PAN2: variants seen among roughly 807,000 people sequenced by gnomAD.
The protein encoded by PAN2 is poly(A) specific ribonuclease subunit PAN2.
In PAN2, 68 loss-of-function variants were observed where a neutral mutation model predicts 133.3. The observed-to-expected ratio is 0.51, with a 90% CI of 0.42 to 0.62. The LOEUF is 0.62. PAN2 is among the 20% of genes least tolerant of loss of function. PAN2 has a pLI of 0.00. For missense variants in PAN2, 1,042 were observed against 1,500.5 expected (o/e 0.69, Z 5.05); for synonymous variants, 462 against 544.6 (o/e 0.85, Z 2.11).
intron 2 of PAN2, among the ~76,000 whole-genome samples, chr12:56,331,854 C>CTCGG (rs1875911091): frequency 1.3e-5 from 2 of 152,134 alleles, no homozygotes; most frequent in Admixed American, 1.3e-4. Flanking sequence ...GCTGGGACTA[C>CTCGG]AGGCGCCTGC....
At chr12:56,330,379 A>G (rs1319170305) in intron 2 of PAN2, among the ~76,000 whole-genome samples, 1 of 13,218 alleles carries the variant, frequency 7.6e-5, no homozygotes, top group Non-Finnish European at 2.9e-4. Context: ...TTTTTTTTTG[A>G]GACGGAGTCT....
intron 5 of PAN2, 155 bp downstream of exon 5, chr12:56,327,840 C>G: frequency 7.2e-7 from 1 of 1,393,964 alleles, no homozygotes; most frequent in South Asian, 1.5e-5. Flanking sequence ...GCAAAATAAT[C>G]TCATAGTAGA....
intron 17 of PAN2, 97 bp downstream of exon 17, chr12:56,322,965 T>C: frequency 6.8e-7 from 1 of 1,476,550 alleles, no homozygotes; most frequent in Non-Finnish European, 9.4e-7. Context: ...TTCTCTTCCT[T>C]TTCCCTCTGC....
Position 56,319,829 on chromosome 12 carries a change from C to G in PAN2, c.2946+35G>C. 1 of 1,613,836 alleles carries G rather than the reference C, an allele frequency of 6.2e-7. No homozygotes were observed. The highest frequency in any genetic ancestry group is 8.5e-7 in the Non-Finnish European group (1 of 1,179,808). ...TACAACTCCTAATATCCTCAGCGTT[C>G]TCTTCCAATGCCCCATCCCTTTGGT... On this transcript the variant is annotated intron_variant, in intron 21 of 25. Transcript: ENST00000440411. This position sits in a 1 kb window ranked among gnomAD's most constrained non-coding sequence, Gnocchi z 5.4.
At chr12:56,328,958 T>A (rs576530824) in intron 2 of PAN2, among the ~76,000 whole-genome samples, 86 of 152,304 alleles carry the variant, frequency 5.6e-4, no homozygotes, top group Non-Finnish European at 9.0e-4. Flanking sequence ...CATGGTCCAA[T>A]TCTCTACTGG....
rs766317790 is a variant in PAN2 at position 56,319,962 on chromosome 12, G to A, written c.2848C>T (p.Arg950Trp). 1.7e-5 allele frequency: 27 copies of A among 1,614,018 alleles called. No homozygotes were observed. The highest frequency in any genetic ancestry group is 1.9e-5 in the Non-Finnish European group (23 of 1,180,018). Residue 950 changes from arginine to tryptophan, a missense_variant, in exon 21 of 26, where the codon CGG (arginine) becomes TGG (tryptophan). Physicochemically the swap from Arg to Trp is moderately radical, Grantham distance 101. Coordinates refer to ENST00000440411, the MANE Select transcript of PAN2 (RefSeq NM_014871.6). This position sits in a 1 kb window ranked among gnomAD's most constrained non-coding sequence, Gnocchi z 5.4. ...LAEASLARKQ[R>W]KTHTTFIPLM... ...GGAATAAAGGTAGTATGTGTTTTCC[G>A]CTGCTTCCGTGCCAGCGAGGCTTCA... is the stretch of plus-strand genomic sequence containing the variant.
At chr12:56,323,942 G>A in intron 13 of PAN2, 29 bp from the exon 14 acceptor site, 1 of 1,603,598 alleles carries the variant, frequency 6.2e-7, no homozygotes, top group Non-Finnish European at 8.5e-7. Flanking sequence ...CTATACTCCT[G>A]GTTCTCCCCT....
intron 25 of PAN2, 33 bp downstream of exon 25, chr12:56,318,204 G>A (rs752742807): frequency 4.6e-5 from 72 of 1,564,488 alleles, no homozygotes; most frequent in African/African-American, 1.8e-4. Flanking sequence ...AATCCACCCA[G>A]TCCAGTTTCC....
intron 2 of PAN2, among the ~76,000 whole-genome samples, chr12:56,331,609 T>C (rs1875850494): frequency 6.6e-6 from 1 of 152,192 alleles, no homozygotes. Flanking sequence ...ACACTGCCTA[T>C]TAAACTGAAT....
At chr12:56,330,027 C>T (rs1875576327) in intron 2 of PAN2, among the ~76,000 whole-genome samples, 2 of 151,010 alleles carry the variant, frequency 1.3e-5, no homozygotes, top group South Asian at 4.2e-4. Flanking sequence ...ATATGAAGTT[C>T]TCTAGAATGT....
At chr12:56,318,160 G>T in intron 25 of PAN2, 77 bp downstream of exon 25, 1 of 1,228,612 alleles carries the variant, frequency 8.1e-7, no homozygotes, top group Non-Finnish European at 1.2e-6. Context: ...CTGGGTGACA[G>T]AGTGAGACCC....
chr12:56,320,485 C>CA (rs200450655), intron 20 of PAN2, among the ~76,000 whole-genome samples: 11 of 150,062 alleles, frequency 7.3e-5, no homozygotes, highest in East Asian at 2.0e-4. Context: ...TAATTAGACA[C>CA]AAAAAAAAAT....
In PAN2 at chr12:56,322,159, C is replaced by A; in HGVS notation, c.2707G>T (p.Val903Leu). The A allele has an allele frequency of 6.3e-7, 1 of 1,595,140 alleles. No homozygotes were observed. The highest frequency in any genetic ancestry group is 1.1e-5 in the South Asian group (1 of 90,666). ...LIEPIDKHEA[V>L]QFDMNWKVPA... The stretch of plus-strand genomic sequence containing the variant: ...ACTTTCCAATTCATGTCAAACTGCA[C>A]AGCTTCATGCTATAGAAGAGAAAAA... The change falls in exon 20 of 26, where the codon GTG (valine) becomes TTG (leucine). Residue 903 changes from valine to leucine, a missense_variant. This residue lies in a region of PAN2 where 908 missense variants were observed against 1,223.5 expected (regional missense o/e 0.74). Coordinates refer to ENST00000440411, the MANE Select transcript of PAN2 (RefSeq NM_014871.6).
intron 19 of PAN2, 50 bp downstream of exon 19, chr12:56,322,373 T>G: frequency 6.9e-7 from 1 of 1,449,954 alleles, no homozygotes; most frequent in Non-Finnish European, 9.7e-7. Flanking sequence ...AAGATAAGGA[T>G]GCTAGGAAAA....
rs1311305867 is a variant in PAN2, at chr12:56,324,074, C to T, written c.2040G>A (p.Leu680=). Residue 680 remains leucine, a synonymous_variant, in exon 13 of 26, where the codon CTG becomes CTA. Transcript: ENST00000440411. ...CATCAGGGTAGGAGAGTGTGAAAAG[C>T]AGAGTGGATGAGGCTCGCACGGTCT... ...GSETVRASST[L]LFTLSYPDDK... is the part of the protein sequence containing the mutation. 12 of 1,614,024 alleles carry T rather than the reference C, an allele frequency of 7.4e-6. No individual in the cohort carries two copies. The Admixed American group carries it at 1.0e-4, about 13-fold the overall frequency.
rs774383305 is a variant in PAN2 at position 56,325,412 on chromosome 12, A to T, written c.1402T>A (p.Phe468Ile). ...ACTGGTGACTCAGTGACCTGGCTGA[A>T]GCTGTCAAATTCACTGTCTGACTCC... Reference protein sequence around the residue: ...LKESDSEFDSFSQVTESPVGR... With the variant: ...LKESDSEFDSISQVTESPVGR... The change falls in exon 9 of 26, where the codon TTC becomes ATC. Residue 468 changes from phenylalanine (F) to isoleucine (I), a missense_variant. By Grantham distance (21) the Phe-to-Ile change is conservative. Around this residue, in one of 3 missense-constraint regions of PAN2, gnomAD observed 908 missense variants for 1,223.5 expected, o/e 0.74. Transcript: ENST00000440411. 3.2e-5 allele frequency: 52 copies of T among 1,614,060 alleles called. No homozygotes were observed. Among genetic ancestry groups the T allele is most frequent in the Non-Finnish European group, 3.7e-5 (44 of 1,180,010 alleles).
At position 56,325,038 on chromosome 12, in the gene PAN2, G is replaced by A. The variant is rs769742340; in HGVS notation, c.1570C>T (p.Pro524Ser). The change falls in exon 10 of 26, where the codon CCC becomes TCC. Residue 524 changes from proline (P) to serine (S), a missense_variant. Coordinates refer to ENST00000440411, the MANE Select transcript of PAN2 (RefSeq NM_014871.6). ...ATCATGCAGTTACAGTAGGCGTTGG[G>A]AATGTGGGGCTCTAATCCAGCAAAC... ...TLFAGLEPHI[P>S]NAYCNCMIQV... The A allele has an allele frequency of 1.2e-6, 2 of 1,614,086 alleles. No homozygotes were observed. Among genetic ancestry groups the A allele is most frequent in the East Asian group, 2.2e-5 (1 of 44,878 alleles).
rs1876074568 is a variant in PAN2 at position 56,332,844 on chromosome 12, T to C, written c.251A>G (p.His84Arg). 1.2e-6 allele frequency: 2 copies of C among 1,614,128 alleles called. No homozygotes were observed. Among genetic ancestry groups the C allele is most frequent in the Non-Finnish European group, 1.7e-6 (2 of 1,180,014 alleles). The change falls in exon 2 of 26, where the codon CAC (histidine) becomes CGC (arginine). Residue 84 changes from histidine to arginine, a missense_variant. His to Arg is a conservative substitution (Grantham distance 29). Around this residue, in one of 3 missense-constraint regions of PAN2, gnomAD observed 908 missense variants for 1,223.5 expected, o/e 0.74. Transcript: ENST00000440411. ...VPVSVSHFDLHEEMLWVGSHG... is the reference protein window; with the variant it reads ...VPVSVSHFDLREEMLWVGSHG... ...GCTCCCCACCCACAGCATCTCCTCG[T>C]GCAAGTCAAAGTGGGAGACGGAAAC... is the stretch of plus-strand genomic sequence containing the variant.
intron 1 of PAN2, 166 bp downstream of exon 1, chr12:56,333,696 T>C (rs1032512996): frequency 2.6e-5 from 4 of 151,974 alleles, no homozygotes; most frequent in African/African-American, 4.8e-5. Flanking sequence ...TTACCCACAA[T>C]TGGGGCGGGG....
Sources: allele counts gnomAD v4.1 joint callset (sites outside exome capture counted in the v4.1 genomes callset), GRCh38; gene constraint gnomAD v4.1.1; regional missense constraint gnomAD v4.1.1; non-coding constraint Gnocchi (gnomAD v3.1); transcripts MANE v1.5; gene names NCBI Gene and HGNC (gene_info 2026-07-23, HGNC 2026-07-21).